Variants in KATNIP observed in about 807,000 individuals in gnomAD.
KATNIP encodes the protein katanin-interacting protein.
Under a neutral mutation model 174.0 loss-of-function variants are expected in KATNIP, and 126 were observed. That is an observed-to-expected ratio of 0.72 (90% confidence interval 0.63 to 0.84). KATNIP has a LOEUF of 0.84. KATNIP is among the 40% of genes least tolerant of loss of function. The pLI is 0.00. For missense variants in KATNIP, 1,958 were observed against 2,109.7 expected (o/e 0.93, Z 1.41); for synonymous variants, 810 against 835.7 (o/e 0.97, Z 0.53).
At chr16:27,732,977 C>A (rs2080752451) in intron 14 of KATNIP, among the ~76,000 whole-genome samples, 1 of 152,228 alleles carries the variant, frequency 6.6e-6, no homozygotes, top group Non-Finnish European at 1.5e-5. Context: ...CCAGCCAGTG[C>A]ACATCTGGGC....
chr16:27,738,815 C>T (rs576153689), intron 14 of KATNIP, among the ~76,000 whole-genome samples: 13 of 152,246 alleles, frequency 8.5e-5, no homozygotes, highest in South Asian at 8.3e-4. Context: ...GGACAGTCCC[C>T]GCATGTGGAC....
chr16:27,675,165 G>A lies in KATNIP; in HGVS notation c.541-2564G>A, dbSNP rs537104449. Among the ~76,000 whole-genome samples, 5 of 152,318 alleles carry A rather than the reference G, an allele frequency of 3.3e-5. No individual in the cohort carries two copies. In the East Asian group the frequency reaches 7.7e-4, roughly 24 times the overall value. Reference sequence around the variant, plus strand: ...AGGTTTAATGGACTCACAGTTCCACGTAGTTGGGGAGGCCTCACAGTCATG... The same window carrying A: ...AGGTTTAATGGACTCACAGTTCCACATAGTTGGGGAGGCCTCACAGTCATG... On this transcript the variant is annotated intron_variant, in intron 6 of 27. Transcript: ENST00000261588.
intron 22 of KATNIP, 137 bp downstream of exon 22, chr16:27,771,789 A>G: frequency 1.2e-6 from 1 of 843,064 alleles, no homozygotes; most frequent in South Asian, 1.7e-5. Flanking sequence ...GGCAGAGGAT[A>G]GGAGGCCTCC....
intron 3 of KATNIP, among the ~76,000 whole-genome samples, chr16:27,619,902 G>A (rs959712836): frequency 2.0e-5 from 3 of 152,150 alleles, no homozygotes; most frequent in South Asian, 2.1e-4. Flanking sequence ...TTAGACCGAC[G>A]TGGGTTTCCA....
intron 15 of KATNIP, among the ~76,000 whole-genome samples, chr16:27,744,807 C>T (rs1435948232): frequency 3.3e-5 from 5 of 150,088 alleles, no homozygotes; most frequent in Admixed American, 6.7e-5. Context: ...CGCTTGAGCT[C>T]GGGAGGCTGA....
chr16:27,598,196 G>A (rs1031624423), intron 2 of KATNIP, among the ~76,000 whole-genome samples: 1 of 151,386 alleles, frequency 6.6e-6, no homozygotes, highest in Admixed American at 6.6e-5. Flanking sequence ...AACTGAGAAT[G>A]CGCCACCATT....
At chr16:27,692,490 GC>G (rs2078769657) in intron 8 of KATNIP, among the ~76,000 whole-genome samples, 1 of 152,112 alleles carries the variant, frequency 6.6e-6, no homozygotes, top group South Asian at 2.1e-4. Context: ...CAAGAACTGA[GC>G]CCGCAACCTC....
intron 5 of KATNIP, 74 bp from the exon 6 acceptor site, chr16:27,648,530 G>C: frequency 6.4e-7 from 1 of 1,574,562 alleles, no homozygotes; most frequent in African/African-American, 1.3e-5. Context: ...AACCTCTCCA[G>C]TGCCAGTCCC....
chr16:27,577,582 C>G (rs1453548794), intron 2 of KATNIP, among the ~76,000 whole-genome samples: 1 of 152,154 alleles, frequency 6.6e-6, no homozygotes, highest in Non-Finnish European at 1.5e-5. Context: ...ATCCCAGCTA[C>G]TCGGGAGGCT....
chr16:27,734,668 G>A (rs762554390), intron 14 of KATNIP, among the ~76,000 whole-genome samples: 11 of 152,270 alleles, frequency 7.2e-5, no homozygotes, highest in Middle Eastern at 3.4e-3. Context: ...CTGCACTCCA[G>A]CCTGGGTGAC....
intron 19 of KATNIP, 132 bp downstream of exon 19, chr16:27,761,722 G>A: frequency 1.2e-6 from 1 of 801,754 alleles, no homozygotes. Flanking sequence ...GTGAGGTAAT[G>A]TGGTCAAGGG....
chr16:27,703,831 T>G, intron 11 of KATNIP, 65 bp from the exon 12 acceptor site: 1 of 1,235,166 alleles, frequency 8.1e-7, no homozygotes, highest in Non-Finnish European at 1.2e-6. Context: ...GCACTTTTGA[T>G]TGGAATGTTC....
chr16:27,646,127 A>C (rs2076950021), intron 5 of KATNIP, among the ~76,000 whole-genome samples: 1 of 152,196 alleles, frequency 6.6e-6, no homozygotes, highest in African/African-American at 2.4e-5. Flanking sequence ...GTCACAAATA[A>C]CTTTAATCCT....
chr16:27,599,325 C>T (rs980350020), intron 2 of KATNIP, among the ~76,000 whole-genome samples: 1 of 152,162 alleles, frequency 6.6e-6, no homozygotes, highest in African/African-American at 2.4e-5. Flanking sequence ...AATGACCTTG[C>T]AAGGGCAGTC....
chr16:27,573,756 A>G (rs538957099), intron 1 of KATNIP, 145 bp from the exon 2 acceptor site: 2 of 709,956 alleles, frequency 2.8e-6, no homozygotes, highest in South Asian at 3.6e-5. Context: ...CCATTTTCCC[A>G]TTATAATAAT....
At chr16:27,567,450 A>T (rs1274001404) in intron 1 of KATNIP, among the ~76,000 whole-genome samples, 1 of 152,170 alleles carries the variant, frequency 6.6e-6, no homozygotes, top group East Asian at 1.9e-4. Flanking sequence ...ACAACATAGC[A>T]AGACTCCACC....
chr16:27,743,178 AG>A (rs2081169992), intron 15 of KATNIP, among the ~76,000 whole-genome samples: 1 of 152,210 alleles, frequency 6.6e-6, no homozygotes, highest in Admixed American at 6.5e-5. Flanking sequence ...GTCCCTGCAA[AG>A]GACATGATAT....
intron 2 of KATNIP, among the ~76,000 whole-genome samples, chr16:27,614,326 ATTTT>A (rs1023529868): frequency 7.3e-5 from 11 of 151,718 alleles, no homozygotes; most frequent in African/African-American, 2.7e-4. Context: ...CGCCCAGCTA[ATTTT>A]TTGTATTTTT....
chr16:27,724,664 T>G (rs1394199270), intron 14 of KATNIP, among the ~76,000 whole-genome samples: 1 of 152,172 alleles, frequency 6.6e-6, no homozygotes, highest in African/African-American at 2.4e-5. Flanking sequence ...CCCAATCTGT[T>G]GCCAGAATTT....
Sources: gnomAD v4.1 joint callset for allele counts (sites outside exome capture counted in the v4.1 genomes callset) on GRCh38, gnomAD v4.1.1 for gene constraint, MANE v1.5 for transcripts, NCBI Gene and HGNC (gene_info 2026-07-23, HGNC 2026-07-21) for gene names.